The following SUGCT variants were observed in gnomAD, a reference collection of about 807,000 sequenced individuals.
SUGCT encodes succinyl-CoA:glutarate CoA-transferase.
SUGCT carries 41 observed loss-of-function variants against 55.0 expected under a neutral mutation model. The ratio of observed to expected loss-of-function variants is 0.74; its 90% CI spans 0.58 to 0.97. The LOEUF is 0.97. Among genes scored for constraint, SUGCT ranks in the 50% least tolerant of loss-of-function variants. SUGCT has a pLI of 0.00. For synonymous variants in SUGCT, 187 were observed against 200.4 expected, an observed-to-expected ratio of 0.93 and a Z score of 0.56; for missense variants, 568 against 547.8, an observed-to-expected ratio of 1.04 and a Z score of -0.37.
At chr7:40,136,995 G>GC (rs1042169288) in intron 1 of SUGCT, among the ~76,000 whole-genome samples, 9 of 151,294 alleles carry the variant, frequency 5.9e-5, no homozygotes, top group East Asian at 1.9e-4. Flanking sequence ...ACCCTATCAT[G>GC]CCCCCCCACC....
chr7:40,350,623 G>A (rs1015297540), intron 9 of SUGCT, among the ~76,000 whole-genome samples: 1 of 151,788 alleles, frequency 6.6e-6, no homozygotes, highest in African/African-American at 2.4e-5. Flanking sequence ...GAGCCACCGT[G>A]CCTGGCCTAT....
chr7:40,881,251 C>G, the SUGCT span, among the ~76,000 whole-genome samples: 2 of 152,160 alleles, frequency 1.3e-5, no homozygotes, highest in African/African-American at 4.8e-5. Context: ...TAACCTGTCG[C>G]TGCTATATAG....
At chr7:40,585,873 G>T (rs1562880472) in intron 12 of SUGCT, among the ~76,000 whole-genome samples, 2 of 151,974 alleles carry the variant, frequency 1.3e-5, no homozygotes. Context: ...AGAGATGAGG[G>T]TTTTGTCACG....
the SUGCT span, among the ~76,000 whole-genome samples, chr7:40,892,330 C>T: frequency 6.6e-6 from 1 of 151,894 alleles, no homozygotes; most frequent in Admixed American, 6.6e-5. Context: ...TCACGATAAC[C>T]ACAAAATAAA....
the SUGCT span, among the ~76,000 whole-genome samples, chr7:41,000,953 A>T: frequency 6.6e-5 from 10 of 152,278 alleles, no homozygotes; most frequent in Admixed American, 1.3e-4. Context: ...AGAAAAAATT[A>T]AAAAACTGGA....
chr7:40,572,909 C>T (rs905692950), intron 12 of SUGCT, among the ~76,000 whole-genome samples: 11 of 152,070 alleles, frequency 7.2e-5, no homozygotes, highest in South Asian at 6.2e-4. Context: ...GATATACACG[C>T]GGAGGCATGT....
intron 1 of SUGCT, among the ~76,000 whole-genome samples, chr7:40,170,432 A>G (rs1351349551): frequency 1.3e-5 from 2 of 152,120 alleles, no homozygotes; most frequent in African/African-American, 2.4e-5. Flanking sequence ...AGAAAAGTAC[A>G]TACACTCTGA....
intron 12 of SUGCT, among the ~76,000 whole-genome samples, chr7:40,522,147 G>A (rs932745655): frequency 2.6e-5 from 4 of 152,024 alleles, no homozygotes; most frequent in Non-Finnish European, 4.4e-5. Flanking sequence ...TTTGTCTATG[G>A]TTCCAATAGT....
intron 9 of SUGCT, among the ~76,000 whole-genome samples, chr7:40,402,945 G>A (rs1032622458): frequency 2.6e-5 from 4 of 152,150 alleles, no homozygotes; most frequent in Non-Finnish European, 5.9e-5. Flanking sequence ...ACTTTTTACT[G>A]GAAACCTCGT....
intron 12 of SUGCT, among the ~76,000 whole-genome samples, chr7:40,672,942 G>T (rs1459616214): frequency 6.6e-6 from 1 of 152,032 alleles, no homozygotes; most frequent in African/African-American, 2.4e-5. Context: ...CCCCAAGCAG[G>T]CTCCCTCATG....
chr7:40,282,393 G>A (rs982513409), intron 8 of SUGCT, among the ~76,000 whole-genome samples: 1 of 151,982 alleles, frequency 6.6e-6, no homozygotes, highest in Admixed American at 6.6e-5. Context: ...GCTTGAACCC[G>A]GGAGGTGGAG....
At chr7:40,519,882 A>G (rs1793435308) in intron 12 of SUGCT, among the ~76,000 whole-genome samples, 1 of 152,130 alleles carries the variant, frequency 6.6e-6, no homozygotes, top group Non-Finnish European at 1.5e-5. Flanking sequence ...TAGATAATTT[A>G]GAAAGGTGTC....
intron 1 of SUGCT, among the ~76,000 whole-genome samples, chr7:40,167,492 T>TAAGATGGAGTGGGCTGCTCCC (rs1784476203): frequency 6.6e-6 from 1 of 152,102 alleles, no homozygotes; most frequent in Non-Finnish European, 1.5e-5. Flanking sequence ...AGGCTGCTCC[T>TAAGATGGAGTGGGCTGCTCCC]AAGATGGAGT....
chr7:40,838,761 T>C (rs1196081862), intron 13 of SUGCT, among the ~76,000 whole-genome samples: 2 of 152,198 alleles, frequency 1.3e-5, no homozygotes, highest in African/African-American at 4.8e-5. Context: ...GCCTTATTAC[T>C]GGGCTAGAAC....
chr7:40,783,813 A>T (rs1186077842), intron 13 of SUGCT, among the ~76,000 whole-genome samples: 1 of 152,192 alleles, frequency 6.6e-6, no homozygotes, highest in Non-Finnish European at 1.5e-5. Flanking sequence ...AACTTTAGAC[A>T]TTTCTCAGTT....
At chr7:40,314,441 A>C (rs181748314) in intron 8 of SUGCT, among the ~76,000 whole-genome samples, 1 of 152,210 alleles carries the variant, frequency 6.6e-6, no homozygotes, top group Admixed American at 6.5e-5. Context: ...TGAATGAAAA[A>C]ATAAATAAAA....
At chr7:40,651,291 G>A (rs1253976790) in intron 12 of SUGCT, among the ~76,000 whole-genome samples, 1 of 152,108 alleles carries the variant, frequency 6.6e-6, no homozygotes, top group African/African-American at 2.4e-5. Flanking sequence ...CATTCCAACT[G>A]GTGTGAAATT....
At chr7:40,149,381 T>G (rs1398755747) in intron 1 of SUGCT, among the ~76,000 whole-genome samples, 1 of 152,210 alleles carries the variant, frequency 6.6e-6, no homozygotes, top group Non-Finnish European at 1.5e-5. Context: ...AGAAACTTAG[T>G]TTATAGTTCA....
At chr7:41,009,208 T>TCTAA in the SUGCT span, among the ~76,000 whole-genome samples, 78 of 103,328 alleles carry the variant, frequency 7.5e-4, no homozygotes, top group African/African-American at 2.9e-3. Context: ...TGTCTCTCTC[T>TCTAA]AAAAAAAAAA....
Sources: gnomAD v4.1 joint callset for allele counts (sites outside exome capture counted in the v4.1 genomes callset) on GRCh38, gnomAD v4.1.1 for gene constraint, MANE v1.5 for transcripts, NCBI Gene and HGNC (gene_info 2026-07-23, HGNC 2026-07-21) for gene names.